Variants in PRKCI observed in about 807,000 individuals in gnomAD.
The protein encoded by PRKCI is protein kinase C iota type.
PRKCI carries 43 observed loss-of-function variants against 84.0 expected under a neutral mutation model. The ratio of observed to expected loss-of-function variants is 0.51; its 90% confidence interval spans 0.40 to 0.66. PRKCI has a LOEUF of 0.66. PRKCI is among the 30% of genes least tolerant of loss of function. The probability of loss-of-function intolerance (pLI) is 0.00; values close to 1 mark genes in which losing one functional copy is unlikely to be tolerated. For missense variants in PRKCI, 459 were observed against 745.6 expected, an observed-to-expected ratio of 0.62 and a Z score of 4.48; for synonymous variants, 216 against 234.4, an observed-to-expected ratio of 0.92 and a Z score of 0.72.
At chr3:170,290,112 C>G (rs1361766242) in intron 12 of PRKCI, among the ~76,000 whole-genome samples, 1 of 151,954 alleles carries the variant, frequency 6.6e-6, no homozygotes, top group Non-Finnish European at 1.5e-5. Flanking sequence ...TGTGCTGCCC[C>G]TCTTTTTTGG....
At chr3:170,257,526 G>A (rs1026852764) in intron 2 of PRKCI, among the ~76,000 whole-genome samples, 15 of 152,044 alleles carry the variant, frequency 9.9e-5, no homozygotes, top group Admixed American at 6.6e-5. Context: ...TTAAAGAGAA[G>A]TATGAAGTGA....
chr3:170,303,555 A>G lies in PRKCI; in HGVS notation c.*428A>G, dbSNP rs1381865509. ...GAAATAAAAGATTAATATAAAATGC[A>G]ACAACTTTTTATATTACCTATTAGT... On this transcript the variant is annotated 3_prime_UTR_variant, in exon 18 of 18. Coordinates refer to ENST00000295797, the MANE Select transcript of PRKCI (RefSeq NM_002740.6). The G allele has an allele frequency of 4.3e-6, 1 of 230,484 alleles. No homozygotes were observed. Among genetic ancestry groups the G allele is most frequent in the African/African-American group, 2.2e-5 (1 of 45,230 alleles). The allele number at this position is 230,484 out of a possible 1,614,324, so 14.3% of individuals were successfully genotyped here.
intron 1 of PRKCI, among the ~76,000 whole-genome samples, chr3:170,230,311 G>A (rs537486005): frequency 3.8e-4 from 58 of 151,356 alleles, no homozygotes; most frequent in Non-Finnish European, 7.5e-4. Flanking sequence ...GATTATAGGC[G>A]CACGCCACAA....
chr3:170,237,926 C>T lies in PRKCI; in HGVS notation c.223+2575C>T, dbSNP rs767056848. 4.0e-5 allele frequency among the ~76,000 whole-genome samples: 6 copies of T among 151,892 alleles called. No homozygotes were observed. The South Asian group carries it at 6.2e-4, about 16-fold the overall frequency. On this transcript the variant is annotated intron_variant, in intron 2 of 17. Coordinates refer to ENST00000295797, the MANE Select transcript of PRKCI (RefSeq NM_002740.6). ...TATATATTTTCTATGCATTTGCAAA[C>T]GTGTATGTATGTTTCTATAAATTCT...
chr3:170,246,379 C>T (rs920959993), intron 2 of PRKCI, among the ~76,000 whole-genome samples: 1 of 152,098 alleles, frequency 6.6e-6, no homozygotes, highest in African/African-American at 2.4e-5. Flanking sequence ...TCTTGAACTC[C>T]TGACCTCAAG....
At chr3:170,284,128 C>G (rs542991704) in intron 11 of PRKCI, among the ~76,000 whole-genome samples, 3 of 152,180 alleles carry the variant, frequency 2.0e-5, no homozygotes, top group South Asian at 4.2e-4. Flanking sequence ...TCTGTAGATA[C>G]TGTGCATGTA....
chr3:170,303,526 T>G lies in PRKCI; in HGVS notation c.*399T>G, dbSNP rs1734875195. The stretch of plus-strand genomic sequence containing the variant: ...TGTGTTAAATCATTTCAGGGTTTAA[T>G]TTTGAAATAAAAGATTAATATAAAA... On this transcript the variant is annotated 3_prime_UTR_variant, in exon 18 of 18. Coordinates refer to ENST00000295797, the MANE Select transcript of PRKCI (RefSeq NM_002740.6). 4.3e-6 allele frequency: 1 copy of G among 232,656 alleles called. No individual in the cohort carries two copies. The highest frequency in any genetic ancestry group is 8.5e-6 in the Non-Finnish European group (1 of 118,102). 14.4% of individuals were successfully genotyped at this position (232,656 alleles called of 1,614,324 possible).
intron 8 of PRKCI, 40 bp from the exon 9 acceptor site, chr3:170,280,187 G>A (rs904385869): frequency 3.9e-6 from 6 of 1,558,316 alleles, no homozygotes; most frequent in Non-Finnish European, 5.2e-6. Flanking sequence ...ACTACGCAAA[G>A]CATTTCCCAT....
rs570724015 is a variant in PRKCI at position 170,304,897 on chromosome 3, C to A, written c.*1770C>A. 2 of 151,838 alleles carry A rather than the reference C, an allele frequency of 1.3e-5. No homozygotes were observed. The highest frequency in any genetic ancestry group is 2.4e-5 in the African/African-American group (1 of 41,318). 9.4% of individuals were successfully genotyped at this position (151,838 alleles called of 1,614,324 possible). A position where few individuals can be genotyped will look rare whatever the true frequency, so the allele number is the denominator to read the frequency against. On this transcript the variant is annotated 3_prime_UTR_variant, in exon 18 of 18. Transcript: ENST00000295797. ...AATTTGTAGGCATTTAATAAATTAT[C>A]TTTTTTTGGAGGGGTGGATGCTGCA...
intron 12 of PRKCI, among the ~76,000 whole-genome samples, chr3:170,288,244 T>C (rs1009798382): frequency 6.7e-5 from 10 of 148,876 alleles, no homozygotes; most frequent in Admixed American, 4.7e-4. Context: ...AGACTACGTC[T>C]CAAAAAAAAA....
intron 2 of PRKCI, among the ~76,000 whole-genome samples, chr3:170,253,064 G>A (rs1436419912): frequency 1.3e-5 from 2 of 152,052 alleles, no homozygotes; most frequent in African/African-American, 2.4e-5. Flanking sequence ...ATTCTTTTTT[G>A]TGGCTGAATA....
Position 170,280,189 on chromosome 3 carries a change from A to G in PRKCI, c.706-38A>G, listed in dbSNP as rs754414370. ...AGAAATATAATGTACTACGCAAAGC[A>G]TTTCCCATTATAACTCTGATACAAA... On this transcript the variant is annotated intron_variant, in intron 8 of 17. Transcript: ENST00000295797. The G allele has an allele frequency of 1.9e-6, 3 of 1,560,100 alleles. No individual in the cohort carries two copies. In the Admixed American group the frequency reaches 5.5e-5, roughly 29 times the overall value.
At chr3:170,279,355 A>G (rs977354366) in intron 8 of PRKCI, among the ~76,000 whole-genome samples, 11 of 152,300 alleles carry the variant, frequency 7.2e-5, no homozygotes, top group Middle Eastern at 3.4e-3. Flanking sequence ...TAAGTTTTTA[A>G]GTTGTCATTC....
intron 4 of PRKCI, among the ~76,000 whole-genome samples, chr3:170,265,151 T>C (rs548575284): frequency 3.5e-4 from 53 of 149,714 alleles, no homozygotes; most frequent in Admixed American, 1.1e-3. Context: ...GTCGCGCCAG[T>C]ACATTCCAAT....
intron 1 of PRKCI, among the ~76,000 whole-genome samples, chr3:170,231,915 A>G (rs563859320): frequency 6.6e-6 from 1 of 152,346 alleles, no homozygotes; most frequent in East Asian, 1.9e-4. Flanking sequence ...CAGAAATGTT[A>G]CTGAGGCCGA....
intron 2 of PRKCI, 140 bp downstream of exon 2, chr3:170,235,491 G>T: frequency 1.4e-5 from 12 of 863,596 alleles, no homozygotes; most frequent in South Asian, 4.4e-5. Context: ...TTTTCTTTAA[G>T]TATTTAAAAG....
intron 14 of PRKCI, 78 bp downstream of exon 14, chr3:170,293,586 C>CT: frequency 7.0e-7 from 1 of 1,435,888 alleles, no homozygotes; most frequent in Non-Finnish European, 9.5e-7. Context: ...CAGGTTACTA[C>CT]TTTGAGTAAG....
intron 3 of PRKCI, among the ~76,000 whole-genome samples, chr3:170,262,832 C>CTTT (rs748452040): frequency 0.015 from 2,030 of 132,940 alleles, 39 homozygotes; most frequent in East Asian, 0.079. Flanking sequence ...TTCTTTCTTT[C>CTTT]TTTTTTTTTT....
At chr3:170,228,600 CAA>C (rs1265974159) in intron 1 of PRKCI, among the ~76,000 whole-genome samples, 12 of 134,794 alleles carry the variant, frequency 8.9e-5, no homozygotes, top group Non-Finnish European at 1.7e-4. Flanking sequence ...TACACACACA[CAA>C]ATATATATAT....
Sources: gnomAD v4.1 joint callset for allele counts (sites outside exome capture counted in the v4.1 genomes callset) on GRCh38, gnomAD v4.1.1 for gene constraint, MANE v1.5 for transcripts, NCBI Gene and HGNC (gene_info 2026-07-23, HGNC 2026-07-21) for gene names.